Variants in SSH1 observed in about 807,000 individuals in gnomAD.
SSH1 encodes protein phosphatase Slingshot homolog 1.
A neutral mutation model predicts 79.7 loss-of-function variants in SSH1; 43 were observed. The ratio of observed to expected loss-of-function variants is 0.54; its 90% CI spans 0.42 to 0.70. The LOEUF is 0.70. Ranked by LOEUF, SSH1 falls within the 30% of genes least tolerant of loss-of-function variation. The probability of loss-of-function intolerance (pLI) is 0.00; values close to 1 mark genes in which losing one functional copy is unlikely to be tolerated. For missense variants in SSH1, 1,206 were observed against 1,358.8 expected, an observed-to-expected ratio of 0.89 and a Z score of 1.77; for synonymous variants, 599 against 538.3, an observed-to-expected ratio of 1.11 and a Z score of -1.56.
chr12:108,846,251 A>G (rs142392605), intron 2 of SSH1, among the ~76,000 whole-genome samples: 2 of 152,322 alleles, frequency 1.3e-5, no homozygotes, highest in East Asian at 3.9e-4. Flanking sequence ...GCAAATTATA[A>G]TAATTCTAAT....
Position 108,792,388 on chromosome 12 carries a change from T to C in SSH1, c.1791A>G (p.Gly597=), listed in dbSNP as rs1288726548. 4 of 1,614,022 alleles carry C rather than the reference T, an allele frequency of 2.5e-6. No homozygotes were observed. The African/African-American group carries it at 5.3e-5, about 22-fold the overall frequency. Residue 597 remains glycine, a synonymous_variant, in exon 14 of 15, where the codon GGA becomes GGG. Transcript: ENST00000326495. ...VEETEREEGL[G]AGRWGQLPTQ... ...TTGGAAGCTGCCCCCACCTCCCTGC[T>C]CCCAGGCCCTCCTCCCTTTCCGTCT...
chr12:108,857,358 G>A lies in SSH1; in HGVS notation c.69+70C>T, dbSNP rs2039165348. On this transcript the variant is annotated intron_variant, in intron 1 of 14. Coordinates refer to ENST00000326495, the MANE Select transcript of SSH1 (RefSeq NM_018984.4). The surrounding 1 kb of genome is among the most constrained non-coding windows in gnomAD (Gnocchi z 4.7). ...AGCCGCCCCCCTGCCCCGCACGCGC[G>A]GCCCCAGCTCCGGCGGCCTCGGCGC... 2.2e-6 allele frequency: 2 copies of A among 909,950 alleles called. No individual in the cohort carries two copies. The highest frequency in any genetic ancestry group is 1.8e-5 in the African/African-American group (1 of 55,414). The allele number at this position is 909,950 out of a possible 1,614,324, so 56.4% of individuals were successfully genotyped here. A position where few individuals can be genotyped will look rare whatever the true frequency, so the allele number is the denominator to read the frequency against.
intron 3 of SSH1, among the ~76,000 whole-genome samples, chr12:108,820,820 C>A (rs542953211): frequency 6.6e-6 from 1 of 152,190 alleles, no homozygotes; most frequent in Non-Finnish European, 1.5e-5. Context: ...GTCTAGTCTG[C>A]GTCTGTCCCA....
In SSH1 at chr12:108,823,319, G is replaced by A; in HGVS notation, c.153C>T (p.Phe51=). The A allele has an allele frequency of 6.3e-7, 1 of 1,586,488 alleles. No individual in the cohort carries two copies. Among genetic ancestry groups the A allele is most frequent in the African/African-American group, 1.3e-5 (1 of 74,894 alleles). Reference sequence around the variant, plus strand: ...CTTGAGGGCTGCTTCCCTGTTGTAAGAAGAGGGCTGCGCCTTTCACCATGA... The same window carrying A: ...CTTGAGGGCTGCTTCCCTGTTGTAAAAAGAGGGCTGCGCCTTTCACCATGA... ...SFFMVKGAAL[F]LQQGSSPQGQ... Residue 51 remains phenylalanine (F), a synonymous_variant, in exon 3 of 15, where the codon TTC becomes TTT. Transcript: ENST00000326495.
At chr12:108,810,054 C>T (rs532524418) in intron 6 of SSH1, among the ~76,000 whole-genome samples, 1 of 152,252 alleles carries the variant, frequency 6.6e-6, no homozygotes, top group East Asian at 1.9e-4. Flanking sequence ...TCTCTATGTT[C>T]CAACGTGGTT....
At chr12:108,823,062 C>T (rs1291213643) in intron 3 of SSH1, among the ~76,000 whole-genome samples, 196 bp downstream of exon 3, 2 of 152,236 alleles carry the variant, frequency 1.3e-5, no homozygotes, top group Non-Finnish European at 2.9e-5. Context: ...CGCAGACAGA[C>T]ATGACATAAA....
intron 10 of SSH1, among the ~76,000 whole-genome samples, chr12:108,803,398 C>T (rs1301133508): frequency 6.6e-6 from 1 of 151,856 alleles, no homozygotes; most frequent in Admixed American, 6.6e-5. Flanking sequence ...TGATCACTTT[C>T]CTCTTAGGAA....
In SSH1 at chr12:108,792,848, G is replaced by A. The variant is rs758190524; in HGVS notation, c.1350-19C>T. 25 of 1,612,566 alleles carry A rather than the reference G, an allele frequency of 1.6e-5. No individual in the cohort carries two copies. The South Asian group carries it at 2.6e-4, about 17-fold the overall frequency. The stretch of plus-strand genomic sequence containing the variant: ...CTGTTTGCTGCGGGGAGAGAGGGTA[G>A]AGGAAGGTGAGGGGAGGAGGATGGT... On this transcript the variant is annotated intron_variant, in intron 13 of 14. Coordinates refer to ENST00000326495, the MANE Select transcript of SSH1 (RefSeq NM_018984.4).
Position 108,823,366 on chromosome 12 carries a change from G to A in SSH1, c.111-5C>T. ...ATGAAAAAGCTCTCACTTAAGCTGG[G>A]AAGGATAAGACCAGAGCACAGTTAG... On this transcript the variant is annotated splice_polypyrimidine_tract_variant and splice_region_variant and intron_variant, in intron 2 of 14. Coordinates refer to ENST00000326495, the MANE Select transcript of SSH1 (RefSeq NM_018984.4). 1 of 1,561,424 alleles carries A rather than the reference G, an allele frequency of 6.4e-7. No homozygotes were observed. The highest frequency in any genetic ancestry group is 8.7e-7 in the Non-Finnish European group (1 of 1,150,928).
rs1380964423 is a variant in SSH1 at position 108,788,039 on chromosome 12, C to T, written c.3099G>A (p.Gly1033=). ...TCTTTAAGTTTTCTGGGGCGGGTTT[C>T]CCTGATGGTTTGGAGGTTGCAGCTG... ...RDPAATSKPS[G]KPAPENLKSP... is the part of the protein sequence containing the mutation. Residue 1033 remains glycine (G), a synonymous_variant, in exon 15 of 15, where the codon GGG becomes GGA. Coordinates refer to ENST00000326495, the MANE Select transcript of SSH1 (RefSeq NM_018984.4). The T allele has an allele frequency of 1.2e-6, 2 of 1,614,070 alleles. No homozygotes were observed. The highest frequency in any genetic ancestry group is 3.3e-4 in the Middle Eastern group (2 of 6,062).
At chr12:108,821,705 C>A (rs915868329) in intron 3 of SSH1, among the ~76,000 whole-genome samples, 1 of 152,206 alleles carries the variant, frequency 6.6e-6, no homozygotes, top group African/African-American at 2.4e-5. Context: ...ACAAACCACA[C>A]TGCCTCCTTG....
chr12:108,823,642 G>C (rs2038209269), intron 2 of SSH1, among the ~76,000 whole-genome samples: 1 of 152,100 alleles, frequency 6.6e-6, no homozygotes, highest in Non-Finnish European at 1.5e-5. Context: ...ATACTGGACA[G>C]GGATCTCACT....
chr12:108,829,975 G>A (rs867368900), intron 2 of SSH1, among the ~76,000 whole-genome samples: 10 of 152,166 alleles, frequency 6.6e-5, no homozygotes, highest in African/African-American at 2.4e-4. Context: ...GCTTGGTGGT[G>A]TGTGCCTGTA....
Position 108,785,765 on chromosome 12 carries a change from C to A in SSH1, c.*2223G>T, listed in dbSNP as rs1286302269. 2 of 152,044 alleles carry A rather than the reference C, an allele frequency of 1.3e-5. No individual in the cohort carries two copies. Among genetic ancestry groups the A allele is most frequent in the Admixed American group, 6.5e-5 (1 of 15,274 alleles). The allele number at this position is 152,044 out of a possible 1,614,324, so 9.4% of individuals were successfully genotyped here. On this transcript the variant is annotated 3_prime_UTR_variant, in exon 15 of 15. Transcript: ENST00000326495. The stretch of plus-strand genomic sequence containing the variant: ...CTCATACATAGACGTGGTTAAAAAA[C>A]CAACAAAAGCCTGTCATCACTAAAT...
chr12:108,808,289 A>G (rs1262666731), intron 7 of SSH1, among the ~76,000 whole-genome samples: 2 of 152,220 alleles, frequency 1.3e-5, no homozygotes, highest in African/African-American at 2.4e-5. Flanking sequence ...TTACACATAC[A>G]GGCGGCTGGG....
In SSH1 at chr12:108,807,910, C is replaced by A; in HGVS notation, c.537-83G>T. On this transcript the variant is annotated intron_variant, in intron 7 of 14. Coordinates refer to ENST00000326495, the MANE Select transcript of SSH1 (RefSeq NM_018984.4). The surrounding 1 kb of genome is among the most constrained non-coding windows in gnomAD (Gnocchi z 5.2). ...CTCCTCTGACAAAGGGGTTCAAATA[C>A]GGGAAGGGAAGGGCAATGATTGATT... 7.9e-7 allele frequency: 1 copy of A among 1,259,006 alleles called. No homozygotes were observed. The highest frequency in any genetic ancestry group is 2.4e-5 in the East Asian group (1 of 42,080). The allele number at this position is 1,259,006 out of a possible 1,614,324, so 78.0% of individuals were successfully genotyped here. A position where few individuals can be genotyped will look rare whatever the true frequency, so the allele number is the denominator to read the frequency against.
chr12:108,822,484 T>A (rs999415732), intron 3 of SSH1, among the ~76,000 whole-genome samples: 1 of 151,090 alleles, frequency 6.6e-6, no homozygotes, highest in Non-Finnish European at 1.5e-5. Flanking sequence ...TCTCTCTCTG[T>A]CACCCAGGCT....
At chr12:108,823,117 C>T in intron 3 of SSH1, 141 bp downstream of exon 3, 2 of 773,290 alleles carry the variant, frequency 2.6e-6, no homozygotes, top group South Asian at 3.0e-5. Flanking sequence ...AGCATCTGAG[C>T]CTCTGCCTGC....
At position 108,783,123 on chromosome 12, in the gene SSH1, G is replaced by T. The variant is rs1001437681; in HGVS notation, c.*4865C>A. ...GGTGCTGGACTCTGGTGCAGAGGCT[G>T]CCTGGCCTGCGCCACCCCACGGCTG... On this transcript the variant is annotated 3_prime_UTR_variant, in exon 15 of 15. Transcript: ENST00000326495. The T allele has an allele frequency of 1.2e-4, 19 of 152,384 alleles. No individual in the cohort carries two copies. Among genetic ancestry groups the T allele is most frequent in the African/African-American group, 4.6e-4 (19 of 41,588 alleles). The allele number at this position is 152,384 out of a possible 1,614,324, so 9.4% of individuals were successfully genotyped here. A position where few individuals can be genotyped will look rare whatever the true frequency, so the allele number is the denominator to read the frequency against.
Sources: allele counts gnomAD v4.1 joint callset (sites outside exome capture counted in the v4.1 genomes callset), GRCh38; gene constraint gnomAD v4.1.1; non-coding constraint Gnocchi (gnomAD v3.1); transcripts MANE v1.5; gene names NCBI Gene and HGNC (gene_info 2026-07-23, HGNC 2026-07-21).